ANKS1A: variants seen among roughly 807,000 people sequenced by gnomAD.
ANKS1A encodes ankyrin repeat and SAM domain-containing protein 1A.
A neutral mutation model predicts 120.3 loss-of-function variants in ANKS1A; 55 were observed. The observed-to-expected ratio is 0.46, with a 90% confidence interval of 0.37 to 0.57. The LOEUF is 0.57. Among genes scored for constraint, ANKS1A ranks in the 20% least tolerant of loss-of-function variants. ANKS1A has a pLI of 0.00. For synonymous variants in ANKS1A, 590 were observed against 604.7 expected, an observed-to-expected ratio of 0.98 and a Z score of 0.36; for missense variants, 1,123 against 1,480.3, an observed-to-expected ratio of 0.76 and a Z score of 3.96.
chr6:35,059,548 G>A (rs189741382), intron 12 of ANKS1A, among the ~76,000 whole-genome samples: 35 of 152,338 alleles, frequency 2.3e-4, no homozygotes, highest in African/African-American at 7.7e-4. Flanking sequence ...AACAGCCGCC[G>A]CTGCTGCTTC....
chr6:34,892,109 C>CT (rs1766853503), intron 1 of ANKS1A, among the ~76,000 whole-genome samples: 1 of 152,190 alleles, frequency 6.6e-6, no homozygotes, highest in South Asian at 2.1e-4. Context: ...TCTCTATTCC[C>CT]TAGAGTTAGA....
At chr6:34,955,550 C>T (rs1370770680) in intron 1 of ANKS1A, among the ~76,000 whole-genome samples, 3 of 152,090 alleles carry the variant, frequency 2.0e-5, no homozygotes, top group South Asian at 2.1e-4. Context: ...ATGTTGGTTT[C>T]GTTTCCTTCT....
chr6:34,907,067 C>T (rs1233515873), intron 1 of ANKS1A, among the ~76,000 whole-genome samples: 2 of 152,136 alleles, frequency 1.3e-5, no homozygotes, highest in South Asian at 4.1e-4. Context: ...TAACCTCAGT[C>T]TAATCATGAG....
chr6:34,894,738 G>T (rs1039575806), intron 1 of ANKS1A, among the ~76,000 whole-genome samples: 1 of 152,146 alleles, frequency 6.6e-6, no homozygotes, highest in Non-Finnish European at 1.5e-5. Flanking sequence ...ACTAAATACT[G>T]ATGTATATGA....
At chr6:34,973,185 T>G (rs1771273068) in intron 3 of ANKS1A, among the ~76,000 whole-genome samples, 1 of 152,188 alleles carries the variant, frequency 6.6e-6, no homozygotes, top group African/African-American at 2.4e-5. Flanking sequence ...GACTCTTCTC[T>G]CATCTCCTGG....
chr6:35,066,105 G>A (rs1365131011), intron 13 of ANKS1A, among the ~76,000 whole-genome samples: 3 of 152,166 alleles, frequency 2.0e-5, no homozygotes, highest in Admixed American at 6.5e-5. Flanking sequence ...CCTGTTCGTC[G>A]TCTGTCACGC....
intron 1 of ANKS1A, among the ~76,000 whole-genome samples, chr6:34,907,094 T>C (rs1401106147): frequency 6.6e-6 from 1 of 152,116 alleles, no homozygotes; most frequent in African/African-American, 2.4e-5. Flanking sequence ...GAAACACAAA[T>C]TGAAGAACAT....
chr6:35,071,411 G>T (rs820071), intron 13 of ANKS1A, among the ~76,000 whole-genome samples: 54,528 of 152,010 alleles, frequency 0.36, 10,131 homozygotes, highest in East Asian at 0.61. Flanking sequence ...AGTCAGGTTG[G>T]CACTCGGTGT....
chr6:34,961,950 C>T (rs1198270206), intron 1 of ANKS1A, among the ~76,000 whole-genome samples: 3 of 152,096 alleles, frequency 2.0e-5, no homozygotes, highest in Non-Finnish European at 4.4e-5. Flanking sequence ...TTTGATCTGC[C>T]GCTGATTTCG....
intron 13 of ANKS1A, among the ~76,000 whole-genome samples, chr6:35,067,886 ATTTT>A (rs750257307): frequency 5.3e-3 from 569 of 106,874 alleles, no homozygotes; most frequent in African/African-American, 0.019. Flanking sequence ...TTCATTTTCA[ATTTT>A]TTTTTTTTTT....
At chr6:35,069,721 T>A (rs573864587) in intron 13 of ANKS1A, among the ~76,000 whole-genome samples, 9,110 of 110,568 alleles carry the variant, frequency 0.082, 331 homozygotes, top group Non-Finnish European at 0.094. Flanking sequence ...ATATATATTT[T>A]TTTTTTTAAG....
chr6:35,077,746 C>T (rs1489185121), intron 13 of ANKS1A, among the ~76,000 whole-genome samples: 1 of 152,184 alleles, frequency 6.6e-6, no homozygotes, highest in African/African-American at 2.4e-5. Flanking sequence ...TGTGTGATGT[C>T]AAGAAATTTC....
intron 11 of ANKS1A, among the ~76,000 whole-genome samples, chr6:35,021,939 T>C (rs1252231003): frequency 1.3e-5 from 2 of 149,352 alleles, no homozygotes; most frequent in African/African-American, 5.0e-5. Flanking sequence ...TGAGCGGAGA[T>C]CACACCACTG....
the ANKS1A span, among the ~76,000 whole-genome samples, chr6:35,097,637 G>GAA: frequency 8.9e-4 from 80 of 89,702 alleles, no homozygotes; most frequent in African/African-American, 1.9e-3. Flanking sequence ...AAAGCCAAAA[G>GAA]AAAAAAAAAA....
chr6:35,039,690 T>C (rs776050626), intron 11 of ANKS1A: 3 of 453,182 alleles, frequency 6.6e-6, no homozygotes, highest in South Asian at 4.7e-5. Context: ...GAGGCAAGTG[T>C]GTGTTTCTGC....
At chr6:35,045,305 A>G (rs1581694371) in intron 11 of ANKS1A, among the ~76,000 whole-genome samples, 2 of 152,192 alleles carry the variant, frequency 1.3e-5, no homozygotes, top group African/African-American at 4.8e-5. Context: ...GCCTCTGTTG[A>G]TATGTGCATT....
chr6:34,890,537 C>T (rs779981305), intron 1 of ANKS1A, among the ~76,000 whole-genome samples: 8 of 152,168 alleles, frequency 5.3e-5, no homozygotes, highest in Non-Finnish European at 1.2e-4. Flanking sequence ...AGGATTCATC[C>T]AGGGGCTTAT....
Position 34,889,520 on chromosome 6 carries a change from T to A in ANKS1A, c.118T>A (p.Ser40Thr), listed in dbSNP as rs1323312881. 5 of 1,266,868 alleles carry A rather than the reference T, an allele frequency of 3.9e-6. No individual in the cohort carries two copies. Among genetic ancestry groups the A allele is most frequent in the Non-Finnish European group, 4.9e-6 (5 of 1,017,814 alleles). The allele number at this position is 1,266,868 out of a possible 1,614,324, so 78.5% of individuals were successfully genotyped here. ...SGFGGGGGGG[S>T]GGGGGGSGGG... ...CTTTGGGGGCGGCGGCGGCGGTGGC[T>A]CTGGGGGCGGCGGCGGCGGCAGCGG... is the stretch of plus-strand genomic sequence containing the variant. Residue 40 changes from serine (S) to threonine (T), a missense_variant, in exon 1 of 24, where the codon TCT becomes ACT. Physicochemically the swap from Ser to Thr is moderately conservative, Grantham distance 58. Transcript: ENST00000360359. The surrounding 1 kb of genome is among the most constrained non-coding windows in gnomAD (Gnocchi z 5.5).
At chr6:35,097,535 C>T in the ANKS1A span, among the ~76,000 whole-genome samples, 1 of 150,348 alleles carries the variant, frequency 6.7e-6, no homozygotes, top group African/African-American at 2.4e-5. Context: ...GGCTTCTAGA[C>T]CAAACAGGTG....
Sources: allele counts gnomAD v4.1 joint callset (sites outside exome capture counted in the v4.1 genomes callset), GRCh38; gene constraint gnomAD v4.1.1; non-coding constraint Gnocchi (gnomAD v3.1); transcripts MANE v1.5; gene names NCBI Gene and HGNC (gene_info 2026-07-23, HGNC 2026-07-21).